The following WWC2 variants were observed in gnomAD, a reference collection of about 807,000 sequenced individuals.
WWC2 encodes the protein WW and C2 domain containing 2, also known as protein WWC2.
A neutral mutation model predicts 138.5 loss-of-function variants in WWC2; 101 were observed. The ratio of observed to expected loss-of-function variants is 0.73; its 90% CI spans 0.62 to 0.86. The LOEUF is 0.86. WWC2 is among the 40% of genes least tolerant of loss of function. The pLI is 0.00. For missense variants in WWC2, 1,420 were observed against 1,419.4 expected, an observed-to-expected ratio of 1.00 and a Z score of -0.01; for synonymous variants, 558 against 538.4, an observed-to-expected ratio of 1.04 and a Z score of -0.50.
rs1739604708 is a variant in WWC2, at chr4:183,320,385, T to C, written c.*4656T>C. On this transcript the variant is annotated 3_prime_UTR_variant, in exon 23 of 23. Transcript: ENST00000403733. ...ATTGTTTGATTCCATGTTGAATGGG[T>C]TTCACAAAAGGATAGGGAAATAATG... 8.7e-6 allele frequency: 6 copies of C among 693,486 alleles called. No individual in the cohort carries two copies. Among genetic ancestry groups the C allele is most frequent in the Non-Finnish European group, 1.2e-5 (5 of 413,814 alleles). 43.0% of individuals were successfully genotyped at this position (693,486 alleles called of 1,614,324 possible). A position where few individuals can be genotyped will look rare whatever the true frequency, so the allele number is the denominator to read the frequency against.
intron 21 of WWC2, among the ~76,000 whole-genome samples, chr4:183,290,864 A>G (rs1438203582): frequency 2.0e-5 from 3 of 152,240 alleles, no homozygotes; most frequent in Non-Finnish European, 2.9e-5. Flanking sequence ...CATGTCATGT[A>G]TAGTACTGTC....
At chr4:183,151,616 T>G (rs1239685985) in intron 1 of WWC2, among the ~76,000 whole-genome samples, 1 of 152,234 alleles carries the variant, frequency 6.6e-6, no homozygotes, top group Non-Finnish European at 1.5e-5. Flanking sequence ...TCCTTGTCCA[T>G]GCCTATGTCC....
Position 183,208,065 on chromosome 4 carries a change from C to T in WWC2, c.354C>T (p.Tyr118=), listed in dbSNP as rs1479605066. Reference sequence around the variant, plus strand: ...CCCTCCGGACACAGAAGGAACTGTACCATGTGAAGGAGCAGAGGCTGGCGC... The same window carrying T: ...CCCTCCGGACACAGAAGGAACTGTATCATGTGAAGGAGCAGAGGCTGGCGC... ...QDALRTQKEL[Y]HVKEQRLALA... Residue 118 remains tyrosine (Y), a synonymous_variant, in exon 3 of 23, where the codon TAC becomes TAT. Transcript: ENST00000403733. 1.2e-6 allele frequency: 2 copies of T among 1,613,726 alleles called. No individual in the cohort carries two copies. Among genetic ancestry groups the T allele is most frequent in the Admixed American group, 1.7e-5 (1 of 59,982 alleles).
chr4:183,182,595 G>A (rs1251762887), intron 1 of WWC2, among the ~76,000 whole-genome samples: 1 of 152,048 alleles, frequency 6.6e-6, no homozygotes, highest in Non-Finnish European at 1.5e-5. Flanking sequence ...TTTCTTCCGT[G>A]GCATAAAAAT....
At chr4:183,112,568 C>T (rs572388014) in intron 1 of WWC2, among the ~76,000 whole-genome samples, 4 of 152,318 alleles carry the variant, frequency 2.6e-5, no homozygotes, top group South Asian at 4.1e-4. Flanking sequence ...TCAAACTATT[C>T]GTCACACATT....
chr4:183,239,673 C>T (rs1435726000), intron 4 of WWC2, among the ~76,000 whole-genome samples: 3 of 152,076 alleles, frequency 2.0e-5, no homozygotes, highest in East Asian at 1.9e-4. Flanking sequence ...AAAACAGAGC[C>T]GTGGCAGGGG....
intron 1 of WWC2, among the ~76,000 whole-genome samples, chr4:183,124,536 C>CTTTTTTTTTTTTTTTTTTTTTTTTTT (rs370409813): frequency 8.1e-6 from 1 of 122,810 alleles, no homozygotes; most frequent in African/African-American, 3.1e-5. Flanking sequence ...TCCTTTTTCT[C>CTTTTTTTTTTTTTTTTTTTTTTTTTT]TTTTTTTTTT....
At chr4:183,312,892 C>T (rs1479835000) in intron 22 of WWC2, among the ~76,000 whole-genome samples, 1 of 152,144 alleles carries the variant, frequency 6.6e-6, no homozygotes, top group African/African-American at 2.4e-5. Flanking sequence ...TTCTGGGGGG[C>T]TCTAGGCTGT....
intron 14 of WWC2, 23 bp from the exon 15 acceptor site, chr4:183,268,948 C>CAAAG: frequency 1.3e-6 from 2 of 1,588,452 alleles, no homozygotes; most frequent in Non-Finnish European, 8.6e-7. Context: ...CTATGAAATC[C>CAAAG]ATTTTATTCT....
chr4:183,315,883 C>T lies in WWC2; in HGVS notation c.*154C>T. On this transcript the variant is annotated 3_prime_UTR_variant, in exon 23 of 23. Coordinates refer to ENST00000403733, the MANE Select transcript of WWC2 (RefSeq NM_024949.6). Reference sequence around the variant, plus strand: ...TTTATTTCACATCAGATTTTCAACACATTAATTTGTAAAGTACCTTGAGTG... The same window carrying T: ...TTTATTTCACATCAGATTTTCAACATATTAATTTGTAAAGTACCTTGAGTG... The T allele has an allele frequency of 3.5e-6, 2 of 572,530 alleles. No individual in the cohort carries two copies. Among genetic ancestry groups the T allele is most frequent in the Non-Finnish European group, 6.1e-6 (2 of 327,888 alleles). The allele number at this position is 572,530 out of a possible 1,614,324, so 35.5% of individuals were successfully genotyped here. A position where few individuals can be genotyped will look rare whatever the true frequency, so the allele number is the denominator to read the frequency against.
intron 1 of WWC2, among the ~76,000 whole-genome samples, chr4:183,180,438 A>T (rs1028279718): frequency 2.0e-5 from 3 of 151,850 alleles, no homozygotes; most frequent in Non-Finnish European, 4.4e-5. Flanking sequence ...CCTGTAACTC[A>T]TGCCAACGAT....
At chr4:183,292,925 A>G (rs1464561851) in intron 21 of WWC2, among the ~76,000 whole-genome samples, 2 of 152,220 alleles carry the variant, frequency 1.3e-5, no homozygotes, top group African/African-American at 2.4e-5. Context: ...CATGTTGACT[A>G]TGTTGAATTG....
At position 183,312,452 on chromosome 4, in the gene WWC2, C is replaced by T; in HGVS notation, c.3496C>T (p.Gln1166Ter). 1.2e-5 allele frequency: 20 copies of T among 1,613,668 alleles called. No homozygotes were observed. The highest frequency in any genetic ancestry group is 1.6e-5 in the Non-Finnish European group (19 of 1,179,686). ...LREQSQKVPR[Q>*]VQSFREKIAY... ...GGAGCAGAGCCAGAAGGTGCCTCGG[C>T]AGGTGCAGTCCTTCAGGTGAATAGC... The change falls in exon 22 of 23, where the codon CAG (glutamine) becomes TAG (stop). Residue 1166 changes from glutamine (Q) to a stop codon, truncating the protein, a stop_gained. Transcript: ENST00000403733. LOFTEE classifies it high-confidence loss of function.
intron 6 of WWC2, among the ~76,000 whole-genome samples, chr4:183,247,849 A>T (rs1736849957): frequency 6.8e-6 from 1 of 147,458 alleles, no homozygotes; most frequent in African/African-American, 2.5e-5. Context: ...TAGGTAAAAA[A>T]TTTCAGATCT....
At chr4:183,234,950 C>T (rs1736369816) in intron 4 of WWC2, among the ~76,000 whole-genome samples, 1 of 152,138 alleles carries the variant, frequency 6.6e-6, no homozygotes. Context: ...CAGTGATCCT[C>T]CAGTAGCTAG....
At chr4:183,164,445 A>G (rs1324074993) in intron 1 of WWC2, among the ~76,000 whole-genome samples, 1 of 145,828 alleles carries the variant, frequency 6.9e-6, no homozygotes, top group Non-Finnish European at 1.5e-5. Flanking sequence ...TTTAATATAT[A>G]TATTTTAAGT....
chr4:183,176,998 A>G (rs1734488284), intron 1 of WWC2, among the ~76,000 whole-genome samples: 1 of 152,210 alleles, frequency 6.6e-6, no homozygotes, highest in African/African-American at 2.4e-5. Context: ...AGATAGGTTC[A>G]TTGAACACAT....
intron 20 of WWC2, among the ~76,000 whole-genome samples, chr4:183,288,458 T>C (rs11939899): frequency 0.32 from 49,156 of 152,002 alleles, 8,443 homozygotes; most frequent in South Asian, 0.43. Flanking sequence ...GCTGGTAGAG[T>C]CTCACCTCTC....
chr4:183,320,286 A>T lies in WWC2; in HGVS notation c.*4557A>T, dbSNP rs1245848216. ...CGGTTGCTGTGAAAAGAAGTGTGAC[A>T]CTTGTGTTATAACTTATGAAACTCA... On this transcript the variant is annotated 3_prime_UTR_variant, in exon 23 of 23. Transcript: ENST00000403733. 1 of 1,379,968 alleles carries T rather than the reference A, an allele frequency of 7.2e-7. No homozygotes were observed. The highest frequency in any genetic ancestry group is 2.3e-5 in the East Asian group (1 of 43,660). The allele number at this position is 1,379,968 out of a possible 1,614,324, so 85.5% of individuals were successfully genotyped here. A position where few individuals can be genotyped will look rare whatever the true frequency, so the allele number is the denominator to read the frequency against.
Sources: allele counts gnomAD v4.1 joint callset (sites outside exome capture counted in the v4.1 genomes callset), GRCh38; gene constraint gnomAD v4.1.1; transcripts MANE v1.5; gene names NCBI Gene and HGNC (gene_info 2026-07-23, HGNC 2026-07-21).